Variants in NLGN1 observed in about 807,000 individuals in gnomAD.
The protein encoded by NLGN1 is neuroligin 1.
In NLGN1, 12 loss-of-function variants were observed where a neutral mutation model predicts 65.5. The observed-to-expected ratio is 0.18, with a 90% CI of 0.12 to 0.30. NLGN1 has a LOEUF of 0.30. NLGN1 is among the 10% of genes least tolerant of loss of function. NLGN1 has a pLI of 1.00. For synonymous variants in NLGN1, 350 were observed against 359.5 expected (o/e 0.97, Z 0.30); for missense variants, 750 against 1,007.1 (o/e 0.74, Z 3.46).
intron 2 of NLGN1, among the ~76,000 whole-genome samples, chr3:173,500,262 AG>A (rs1730836820): frequency 6.6e-6 from 1 of 152,094 alleles, no homozygotes; most frequent in Non-Finnish European, 1.5e-5. Flanking sequence ...GTAGCATGAA[AG>A]GTTGTTGAAT....
chr3:174,217,610 C>T (rs1170731138), intron 4 of NLGN1, among the ~76,000 whole-genome samples: 1 of 152,056 alleles, frequency 6.6e-6, no homozygotes, highest in Non-Finnish European at 1.5e-5. Context: ...CACGAAGGCC[C>T]ACTTTCATGA....
intron 4 of NLGN1, among the ~76,000 whole-genome samples, chr3:174,122,942 T>G (rs989905112): frequency 1.3e-4 from 19 of 151,912 alleles, no homozygotes; most frequent in African/African-American, 4.3e-4. Context: ...AAATAAAAAT[T>G]TCCTCTTTAA....
chr3:173,492,017 G>C (rs1434120307), intron 2 of NLGN1, among the ~76,000 whole-genome samples: 1 of 151,698 alleles, frequency 6.6e-6, no homozygotes, highest in Non-Finnish European at 1.5e-5. Flanking sequence ...TCACTGACAA[G>C]GAAGCAAGAT....
chr3:173,971,560 C>T (rs912973467), intron 4 of NLGN1, among the ~76,000 whole-genome samples: 1 of 151,928 alleles, frequency 6.6e-6, no homozygotes, highest in South Asian at 2.1e-4. Context: ...TGGGGAATAA[C>T]TTTGTAATAG....
At chr3:174,146,134 T>TCTC (rs1723210224) in intron 4 of NLGN1, among the ~76,000 whole-genome samples, 1 of 148,330 alleles carries the variant, frequency 6.7e-6, no homozygotes, top group African/African-American at 2.6e-5. Flanking sequence ...CCTTCCTTCC[T>TCTC]TCCTTCCTTC....
intron 4 of NLGN1, among the ~76,000 whole-genome samples, chr3:174,191,848 C>T (rs1015780752): frequency 6.6e-6 from 1 of 152,016 alleles, no homozygotes; most frequent in Non-Finnish European, 1.5e-5. Flanking sequence ...GATCTATCTC[C>T]AAATGAGATA....
chr3:173,704,419 T>C lies in NLGN1; in HGVS notation c.493+99328T>C, dbSNP rs544159281. Among the ~76,000 whole-genome samples the C allele has an allele frequency of 1.7e-4, 26 of 152,314 alleles. No individual in the cohort carries two copies. In the South Asian group the frequency reaches 1.9e-3, roughly 11 times the overall value. ...GCTTCCCACAGTCAGTTGGGAATTA[T>C]TGTTGCTCAGTGAGGTAAATAATAG... is the stretch of plus-strand genomic sequence containing the variant. On this transcript the variant is annotated intron_variant, in intron 3 of 6. Transcript: ENST00000457714.
chr3:174,208,030 G>T (rs1230398029), intron 4 of NLGN1, among the ~76,000 whole-genome samples: 1 of 152,106 alleles, frequency 6.6e-6, no homozygotes, highest in Non-Finnish European at 1.5e-5. Context: ...TTAGCAAAAA[G>T]CAAATCAATT....
intron 3 of NLGN1, among the ~76,000 whole-genome samples, chr3:173,655,011 G>T (rs1759776830): frequency 6.6e-6 from 1 of 151,972 alleles, no homozygotes; most frequent in Non-Finnish European, 1.5e-5. Flanking sequence ...TATGACCTTG[G>T]GAAATTTTTG....
At chr3:173,652,999 C>T (rs1484731237) in intron 3 of NLGN1, among the ~76,000 whole-genome samples, 1 of 151,954 alleles carries the variant, frequency 6.6e-6, no homozygotes, top group East Asian at 1.9e-4. Flanking sequence ...TTTTAGGTAG[C>T]TATTATAAAT....
intron 4 of NLGN1, among the ~76,000 whole-genome samples, chr3:174,107,015 CACAGAG>C (rs1369960106): frequency 5.5e-3 from 357 of 65,450 alleles, no homozygotes; most frequent in African/African-American, 0.018. Flanking sequence ...CACACACACA[CACAGAG>C]AGAGAGAGAG....
chr3:174,055,631 T>C (rs1054607582), intron 4 of NLGN1, among the ~76,000 whole-genome samples: 1 of 152,036 alleles, frequency 6.6e-6, no homozygotes, highest in Non-Finnish European at 1.5e-5. Context: ...TAAGCAACAA[T>C]TGAATGCCAT....
chr3:174,098,309 T>C (rs1172200029), intron 4 of NLGN1, among the ~76,000 whole-genome samples: 1 of 152,162 alleles, frequency 6.6e-6, no homozygotes, highest in Non-Finnish European at 1.5e-5. Flanking sequence ...TTGTGCAAAT[T>C]TGTAAAATGT....
At chr3:174,158,102 C>T (rs924094974) in intron 4 of NLGN1, among the ~76,000 whole-genome samples, 4 of 151,654 alleles carry the variant, frequency 2.6e-5, no homozygotes, top group Admixed American at 6.6e-5. Flanking sequence ...ACTTTAAGAT[C>T]GGACGAAAGA....
intron 3 of NLGN1, among the ~76,000 whole-genome samples, chr3:173,643,872 G>T (rs1757796201): frequency 6.6e-6 from 1 of 152,118 alleles, no homozygotes; most frequent in Non-Finnish European, 1.5e-5. Flanking sequence ...ACTGGTACAG[G>T]TGTGTGCCAC....
At chr3:173,523,862 C>T (rs1735178501) in intron 2 of NLGN1, among the ~76,000 whole-genome samples, 1 of 150,946 alleles carries the variant, frequency 6.6e-6, no homozygotes, top group Non-Finnish European at 1.5e-5. Flanking sequence ...GTCATTTTAA[C>T]ACTATTGATT....
chr3:173,926,800 G>A (rs886416821), intron 4 of NLGN1, among the ~76,000 whole-genome samples: 3 of 152,166 alleles, frequency 2.0e-5, no homozygotes, highest in African/African-American at 4.8e-5. Flanking sequence ...AGTATTTTCA[G>A]TCCTGATGTT....
chr3:173,650,622 A>G lies in NLGN1; in HGVS notation c.493+45531A>G, dbSNP rs188027244. Among the ~76,000 whole-genome samples the G allele has an allele frequency of 7.9e-5, 12 of 152,278 alleles. No homozygotes were observed. The East Asian group carries it at 1.9e-3, about 24-fold the overall frequency. ...ATATGGTTTACTTTTTTATTCACCAAAATTCTTGTTTCATTTGGAACTTAT... is the reference window on the plus strand; with the variant it reads ...ATATGGTTTACTTTTTTATTCACCAGAATTCTTGTTTCATTTGGAACTTAT... On this transcript the variant is annotated intron_variant, in intron 3 of 6. Transcript: ENST00000457714.
chr3:173,842,646 G>C (rs1725004814), intron 4 of NLGN1, among the ~76,000 whole-genome samples: 1 of 152,162 alleles, frequency 6.6e-6, no homozygotes, highest in Non-Finnish European at 1.5e-5. Flanking sequence ...GATCTCCTTT[G>C]ACTCCAGGTC....
Sources: allele counts gnomAD v4.1 joint callset (sites outside exome capture counted in the v4.1 genomes callset), GRCh38; gene constraint gnomAD v4.1.1; transcripts MANE v1.5; gene names NCBI Gene and HGNC (gene_info 2026-07-23, HGNC 2026-07-21).